The following CSNK2B variants were observed in gnomAD, a reference collection of about 807,000 sequenced individuals.
CSNK2B encodes casein kinase 2 beta.
A neutral mutation model predicts 28.8 loss-of-function variants in CSNK2B; 2 were observed. The ratio of observed to expected loss-of-function variants is 0.07; its 90% CI spans 0.03 to 0.22. The LOEUF is 0.22. Ranked by LOEUF, CSNK2B falls within the 10% of genes least tolerant of loss-of-function variation. The probability of loss-of-function intolerance (pLI) is 1.00; values close to 1 mark genes in which losing one functional copy is unlikely to be tolerated. For synonymous variants in CSNK2B, 89 were observed against 96.1 expected (o/e 0.93, Z 0.43); for missense variants, 107 against 277.9 (o/e 0.39, Z 4.37).
In CSNK2B at chr6:31,669,598, C is replaced by T; in HGVS notation, c.557+90C>T. On this transcript the variant is annotated intron_variant, in intron 6 of 6. Coordinates refer to ENST00000375882, the MANE Select transcript of CSNK2B (RefSeq NM_001320.7). The surrounding 1 kb of genome is among the most constrained non-coding windows in gnomAD (Gnocchi z 4.8). ...ACAGGGCATGGCCCTTTCTTGAGGT[C>T]TGCTTCTCCCAGAATCAGGGCATCT... The T allele has an allele frequency of 7.1e-7, 1 of 1,399,664 alleles. No homozygotes were observed. The highest frequency in any genetic ancestry group is 9.7e-7 in the Non-Finnish European group (1 of 1,030,862). The allele number at this position is 1,399,664 out of a possible 1,614,324, so 86.7% of individuals were successfully genotyped here.
At position 31,669,923 on chromosome 6, in the gene CSNK2B, C is replaced by T. The variant is rs1314406483; in HGVS notation, c.645C>T (p.Arg215=). The T allele has an allele frequency of 1.9e-6, 3 of 1,612,234 alleles. No individual in the cohort carries two copies. Among genetic ancestry groups the T allele is most frequent in the Non-Finnish European group, 2.5e-6 (3 of 1,179,754 alleles). ...SNFKSPVKTI[R] is the part of the protein sequence containing the mutation. ...TCAAGAGCCCAGTCAAGACGATTCGCTGATTCCCTCCCCCACCTGTCCTGC... is the reference window on the plus strand; with the variant it reads ...TCAAGAGCCCAGTCAAGACGATTCGTTGATTCCCTCCCCCACCTGTCCTGC... Residue 215 remains arginine (R), a synonymous_variant, in exon 7 of 7, where the codon CGC becomes CGT. Coordinates refer to ENST00000375882, the MANE Select transcript of CSNK2B (RefSeq NM_001320.7). The surrounding 1 kb of genome is among the most constrained non-coding windows in gnomAD (Gnocchi z 4.8).
chr6:31,669,007 TG>T lies in CSNK2B; in HGVS notation c.292-85del. ...GGCCTCTGGACAGAGGTGGGAGGAG[TG>T]GGGGACAGAGTGGTATGGGTTGGGC... On this transcript the variant is annotated intron_variant, in intron 4 of 6. Coordinates refer to ENST00000375882, the MANE Select transcript of CSNK2B (RefSeq NM_001320.7). The surrounding 1 kb of genome is among the most constrained non-coding windows in gnomAD (Gnocchi z 4.8). 2 of 915,690 alleles carry T rather than the reference TG, an allele frequency of 2.2e-6. No homozygotes were observed. Among genetic ancestry groups the T allele is most frequent in the South Asian group, 1.4e-5 (1 of 72,610 alleles). 56.7% of individuals were successfully genotyped at this position (915,690 alleles called of 1,614,324 possible).
intron 1 of CSNK2B, 178 bp downstream of exon 1, chr6:31,666,386 GC>G: frequency 5.7e-6 from 1 of 176,594 alleles, no homozygotes; most frequent in Non-Finnish European, 1.2e-5. Context: ...CCTGACAATC[GC>G]CCCCAACCCG....
Position 31,666,850 on chromosome 6 carries a change from G to T in CSNK2B, c.19G>T (p.Val7Leu), listed in dbSNP as rs1801757593. The change falls in exon 2 of 7, where the codon GTG becomes TTG. Residue 7 changes from valine to leucine, a missense_variant. Physicochemically the swap from Val to Leu is conservative, Grantham distance 32 (BLOSUM62 1). Transcript: ENST00000375882. ...CGTGAAGATGAGCAGCTCAGAGGAG[G>T]TGTCCTGGATTTCCTGGTTCTGTGG... MSSSEEVSWISWFCGLR... is the reference protein window; with the variant it reads MSSSEELSWISWFCGLR... The T allele has an allele frequency of 6.2e-7, 1 of 1,614,086 alleles. No individual in the cohort carries two copies.
rs1169869976 is a variant in CSNK2B at position 31,666,148 on chromosome 6, C to T, written c.-72C>T. ...CCGCGGCCTGCGCTGTAGCGGTCGC[C>T]GCCGTTCCCTGGAAGTAGCAACTTC... On this transcript the variant is annotated 5_prime_UTR_variant, in exon 1 of 7. Coordinates refer to ENST00000375882, the MANE Select transcript of CSNK2B (RefSeq NM_001320.7). The T allele has an allele frequency of 9.1e-6, 9 of 990,496 alleles. No homozygotes were observed. Among genetic ancestry groups the T allele is most frequent in the Non-Finnish European group, 9.6e-6 (8 of 832,380 alleles). 61.4% of individuals were successfully genotyped at this position (990,496 alleles called of 1,614,324 possible).
intron 2 of CSNK2B, 140 bp downstream of exon 2, chr6:31,667,043 C>T: frequency 2.6e-6 from 2 of 782,260 alleles, no homozygotes; most frequent in Non-Finnish European, 4.4e-6. Flanking sequence ...CCTATAAACC[C>T]CGACGAACCT....
In CSNK2B at chr6:31,669,947, G is replaced by T; in HGVS notation, c.*21G>T. 6.2e-7 allele frequency: 1 copy of T among 1,602,098 alleles called. No individual in the cohort carries two copies. The highest frequency in any genetic ancestry group is 8.5e-7 in the Non-Finnish European group (1 of 1,174,092). On this transcript the variant is annotated 3_prime_UTR_variant, in exon 7 of 7. Transcript: ENST00000375882. The surrounding 1 kb of genome is among the most constrained non-coding windows in gnomAD (Gnocchi z 4.8). ...GCTGATTCCCTCCCCCACCTGTCCT[G>T]CAGTCTTTGACTTTTCCTTTCTTTT... is the stretch of plus-strand genomic sequence containing the variant.
chr6:31,669,658 A>G lies in CSNK2B; in HGVS notation c.557+150A>G. ...GTGACTGTGGGAAAGTTATTTGATTATCTGTGCTTGAGTTACCTTATTGTA... is the reference window on the plus strand; with the variant it reads ...GTGACTGTGGGAAAGTTATTTGATTGTCTGTGCTTGAGTTACCTTATTGTA... On this transcript the variant is annotated intron_variant, in intron 6 of 6. Transcript: ENST00000375882. The surrounding 1 kb of genome is among the most constrained non-coding windows in gnomAD (Gnocchi z 4.8). The G allele has an allele frequency of 9.2e-7, 1 of 1,087,966 alleles. No individual in the cohort carries two copies. The highest frequency in any genetic ancestry group is 1.3e-6 in the Non-Finnish European group (1 of 761,664). The allele number at this position is 1,087,966 out of a possible 1,614,324, so 67.4% of individuals were successfully genotyped here. A position where few individuals can be genotyped will look rare whatever the true frequency, so the allele number is the denominator to read the frequency against.
chr6:31,669,330 A>G lies in CSNK2B; in HGVS notation c.379A>G (p.Ile127Val). The part of the protein sequence containing the change: ...QPMLPIGLSD[I>V]PGEAMVKLYC... ...TGGCTGTCTCCCAGGCCTTTCAGAC[A>G]TCCCAGGTGAAGCCATGGTGAAGCT... Residue 127 changes from isoleucine to valine, a missense_variant, in exon 6 of 7, where the codon ATC becomes GTC. Coordinates refer to ENST00000375882, the MANE Select transcript of CSNK2B (RefSeq NM_001320.7). The surrounding 1 kb of genome is among the most constrained non-coding windows in gnomAD (Gnocchi z 4.8). 7 of 1,612,076 alleles carry G rather than the reference A, an allele frequency of 4.3e-6. No homozygotes were observed. The highest frequency in any genetic ancestry group is 5.9e-6 in the Non-Finnish European group (7 of 1,178,394).
intron 3 of CSNK2B, 73 bp downstream of exon 3, chr6:31,668,043 T>A: frequency 9.6e-7 from 1 of 1,037,200 alleles, no homozygotes; most frequent in Non-Finnish European, 1.5e-6. Flanking sequence ...TTCACTTGCC[T>A]GAATTTTGAA....
chr6:31,668,481 C>T (rs1469860261), intron 3 of CSNK2B, 58 bp from the exon 4 acceptor site: 4 of 1,484,230 alleles, frequency 2.7e-6, no homozygotes, highest in African/African-American at 1.4e-5. Flanking sequence ...TGGATATGGG[C>T]AGGGCACCTA....
rs1455833578 is a variant in CSNK2B at position 31,669,362 on chromosome 6, C to T, written c.411C>T (p.Cys137=). Residue 137 remains cysteine (C), a synonymous_variant, in exon 6 of 7, where the codon TGC becomes TGT. Coordinates refer to ENST00000375882, the MANE Select transcript of CSNK2B (RefSeq NM_001320.7). This position sits in a 1 kb window ranked among gnomAD's most constrained non-coding sequence, Gnocchi z 4.8. ...GTGAAGCCATGGTGAAGCTCTACTG[C>T]CCCAAGTGCATGGATGTGTACACAC... The part of the protein sequence containing the change: ...IPGEAMVKLY[C]PKCMDVYTPK... 3 of 1,613,942 alleles carry T rather than the reference C, an allele frequency of 1.9e-6. No individual in the cohort carries two copies. Among genetic ancestry groups the T allele is most frequent in the African/African-American group, 1.3e-5 (1 of 74,916 alleles).
chr6:31,666,603 C>T, intron 1 of CSNK2B: 2 of 585,066 alleles, frequency 3.4e-6, no homozygotes, highest in Non-Finnish European at 6.1e-6. Context: ...CTGTTGGCTT[C>T]TTTCAAGTGG....
chr6:31,669,212 G>A lies in CSNK2B; in HGVS notation c.367+40G>A, dbSNP rs1234402315. ...AGGGAAAGGAAAGCACCGTGTGGCA[G>A]TCTTATGGGAAGGAGTTGGGGCTCA... On this transcript the variant is annotated intron_variant, in intron 5 of 6. Transcript: ENST00000375882. The surrounding 1 kb of genome is among the most constrained non-coding windows in gnomAD (Gnocchi z 4.8). 6.2e-7 allele frequency: 1 copy of A among 1,607,006 alleles called. No homozygotes were observed.
chr6:31,668,386 C>T (rs1801945902), intron 3 of CSNK2B, 153 bp from the exon 4 acceptor site: 1 of 643,226 alleles, frequency 1.6e-6, no homozygotes. Context: ...GGTCAGAAGC[C>T]CAGGTTTCTG....
At chr6:31,666,728 C>T in intron 1 of CSNK2B, 93 bp from the exon 2 acceptor site, 1 of 981,166 alleles carries the variant, frequency 1.0e-6, no homozygotes, top group Non-Finnish European at 1.5e-6. Context: ...GTTCCGAATT[C>T]TCCCGTGGTT....
chr6:31,667,732 TCTG>T (rs1801876034), intron 2 of CSNK2B, 133 bp from the exon 3 acceptor site: 1 of 494,342 alleles, frequency 2.0e-6, no homozygotes, highest in Non-Finnish European at 3.6e-6. Context: ...CACAAGTACT[TCTG>T]CTGAGTTGGG....
chr6:31,669,144 C>T lies in CSNK2B; in HGVS notation c.339C>T (p.Tyr113=). The T allele has an allele frequency of 6.2e-7, 1 of 1,613,580 alleles. No homozygotes were observed. The part of the protein sequence containing the change: ...QGDFGYCPRV[Y]CENQPMLPIG... ...ACTTTGGTTACTGTCCTCGTGTGTA[C>T]TGTGAGAACCAGCCAATGCTTCCCA... is the stretch of plus-strand genomic sequence containing the variant. The change falls in exon 5 of 7, where the codon TAC becomes TAT. Residue 113 remains tyrosine, a synonymous_variant. Transcript: ENST00000375882. This position sits in a 1 kb window ranked among gnomAD's most constrained non-coding sequence, Gnocchi z 4.8.
Position 31,669,873 on chromosome 6 carries a change from C to T in CSNK2B, c.595C>T (p.Leu199=). Residue 199 remains leucine (L), a synonymous_variant, in exon 7 of 7, where the codon CTG becomes TTG. Coordinates refer to ENST00000375882, the MANE Select transcript of CSNK2B (RefSeq NM_001320.7). The surrounding 1 kb of genome is among the most constrained non-coding windows in gnomAD (Gnocchi z 4.8). The stretch of plus-strand genomic sequence containing the variant: ...CAAGATCCATCCGATGGCCTACCAG[C>T]TGCAGCTCCAAGCCGCCAGCAACTT... ...GFKIHPMAYQ[L]QLQAASNFKS... The T allele has an allele frequency of 6.2e-7, 1 of 1,613,046 alleles. No homozygotes were observed. Among genetic ancestry groups the T allele is most frequent in the South Asian group, 1.1e-5 (1 of 91,076 alleles).
Sources: gnomAD v4.1 joint callset for allele counts on GRCh38, gnomAD v4.1.1 for gene constraint, Gnocchi (gnomAD v3.1) non-coding constraint, MANE v1.5 for transcripts, NCBI Gene and HGNC (gene_info 2026-07-23, HGNC 2026-07-21) for gene names.